MTX2: variants seen among roughly 807,000 people sequenced by gnomAD.
MTX2 encodes the protein metaxin-2.
In MTX2, 35 loss-of-function variants were observed where a neutral mutation model predicts 42.3. That is an observed-to-expected ratio of 0.83 (90% CI 0.63 to 1.10). MTX2 has a LOEUF of 1.10. Among genes scored for constraint, MTX2 ranks in the 50% least tolerant of loss-of-function variants. The probability of loss-of-function intolerance (pLI) is 0.00; values close to 1 mark genes in which losing one functional copy is unlikely to be tolerated. For missense variants in MTX2, 307 were observed against 304.1 expected (o/e 1.01, Z -0.07); for synonymous variants, 119 against 100.9 (o/e 1.18, Z -1.08).
chr2:176,272,613 C>G (rs1268651506), intron 1 of MTX2, among the ~76,000 whole-genome samples: 1 of 152,070 alleles, frequency 6.6e-6, no homozygotes, highest in African/African-American at 2.4e-5. Context: ...AGAAGTATAT[C>G]TGTTAAATAC....
chr2:176,316,100 A>G (rs1382137069), intron 3 of MTX2, among the ~76,000 whole-genome samples: 1 of 152,150 alleles, frequency 6.6e-6, no homozygotes, highest in Non-Finnish European at 1.5e-5. Context: ...CAGTATATAC[A>G]TGTTGAATTT....
At chr2:176,336,046 TA>T (rs1320931472) in intron 9 of MTX2, among the ~76,000 whole-genome samples, 5 of 152,134 alleles carry the variant, frequency 3.3e-5, no homozygotes, top group Admixed American at 6.6e-5. Context: ...TTTGGATTTT[TA>T]CCAACCCCCA....
chr2:176,290,514 G>T (rs1369019080), intron 1 of MTX2, among the ~76,000 whole-genome samples: 1 of 152,154 alleles, frequency 6.6e-6, no homozygotes. Context: ...TACTGACTTT[G>T]TCTGACCTTG....
At chr2:176,306,068 C>T (rs1684136173) in intron 3 of MTX2, among the ~76,000 whole-genome samples, 1 of 151,994 alleles carries the variant, frequency 6.6e-6, no homozygotes, top group African/African-American at 2.4e-5. Flanking sequence ...CCCCCAGCAC[C>T]CCCACCCCCT....
chr2:176,277,433 G>A (rs972038234), intron 1 of MTX2, among the ~76,000 whole-genome samples: 20 of 152,110 alleles, frequency 1.3e-4, no homozygotes, highest in Admixed American at 3.3e-4. Context: ...ATGGAGTTGC[G>A]CTCTTGTTGC....
chr2:176,281,414 GTGGCTTCTTCATGTGGCT>G, intron 1 of MTX2, among the ~76,000 whole-genome samples: 1 of 152,280 alleles, frequency 6.6e-6, no homozygotes, highest in East Asian at 1.9e-4. Context: ...ATACTTACAT[GTGGCTTCTTCATGTGGCT>G]TGGCTTCCTC....
rs938200690 is a variant in MTX2, at chr2:176,297,038, A to G, written c.88+131A>G. The G allele has an allele frequency of 1.5e-5, 15 of 1,027,026 alleles. No homozygotes were observed. The Admixed American group carries it at 3.2e-4, about 22-fold the overall frequency. The allele number at this position is 1,027,026 out of a possible 1,614,324, so 63.6% of individuals were successfully genotyped here. The stretch of plus-strand genomic sequence containing the variant: ...AGGGATTCCCTTGTATAATTTGTCT[A>G]GGAGGTTTTACCTGAACTTGTATCT... On this transcript the variant is annotated intron_variant, in intron 2 of 9. Transcript: ENST00000249442.
chr2:176,320,599 C>G (rs1684560256), intron 3 of MTX2, among the ~76,000 whole-genome samples: 3 of 152,084 alleles, frequency 2.0e-5, no homozygotes, highest in Admixed American at 2.0e-4. Flanking sequence ...ATCACTGATT[C>G]CCCACCACCT....
intron 3 of MTX2, among the ~76,000 whole-genome samples, chr2:176,321,746 C>T (rs1353370573): frequency 1.3e-5 from 2 of 152,014 alleles, no homozygotes. Flanking sequence ...TTGGCCATAC[C>T]CAGTTGTAAG....
In MTX2 at chr2:176,337,490, T is replaced by C. The variant is rs1465183717; in HGVS notation, c.621-3T>C. ...CTCACATTACTCTCATTTCTACTTTTAGGCCTACTGAACTTGACGCACTGG... is the reference window on the plus strand; with the variant it reads ...CTCACATTACTCTCATTTCTACTTTCAGGCCTACTGAACTTGACGCACTGG... On this transcript the variant is annotated splice_region_variant and splice_polypyrimidine_tract_variant and intron_variant, in intron 9 of 9. Transcript: ENST00000249442. 1.3e-6 allele frequency: 2 copies of C among 1,590,526 alleles called. No individual in the cohort carries two copies. The highest frequency in any genetic ancestry group is 3.5e-5 in the Admixed American group (2 of 56,588).
At position 176,316,260 on chromosome 2, in the gene MTX2, A is replaced by G. The variant is rs75612920; in HGVS notation, c.136-7132A>G. 6.6e-3 allele frequency among the ~76,000 whole-genome samples: 1,004 copies of G among 152,272 alleles called. 14 individuals are homozygous for G. Among genetic ancestry groups the G allele is most frequent in the African/African-American group, 0.023 (940 of 41,548 alleles). On this transcript the variant is annotated intron_variant, in intron 3 of 9. Coordinates refer to ENST00000249442, the MANE Select transcript of MTX2 (RefSeq NM_006554.5). ...AGAAGAAACAGCCTCATGAAAAGCA[A>G]TTTTGCATTTGGCATATGTCATCTT... is the stretch of plus-strand genomic sequence containing the variant.
chr2:176,278,186 G>C (rs1456952602), intron 1 of MTX2, among the ~76,000 whole-genome samples: 1 of 151,336 alleles, frequency 6.6e-6, no homozygotes, highest in Non-Finnish European at 1.5e-5. Flanking sequence ...AAGTAGCTGG[G>C]ATTATAGGTG....
At position 176,309,152 on chromosome 2, in the gene MTX2, C is replaced by G. The variant is rs1416935430; in HGVS notation, c.135+11257C>G. On this transcript the variant is annotated intron_variant, in intron 3 of 9. Transcript: ENST00000249442. ...TTCTGCCTTCATTTCGTTATTTACCCAGTAGTCATTCAGAAGCAGGTTGTT... is the reference window on the plus strand; with the variant it reads ...TTCTGCCTTCATTTCGTTATTTACCGAGTAGTCATTCAGAAGCAGGTTGTT... 3.9e-5 allele frequency among the ~76,000 whole-genome samples: 6 copies of G among 152,250 alleles called. No homozygotes were observed. In the East Asian group the frequency reaches 1.2e-3, roughly 29 times the overall value.
chr2:176,279,391 AAAGT>A (rs1375103974), intron 1 of MTX2, among the ~76,000 whole-genome samples: 4 of 152,150 alleles, frequency 2.6e-5, no homozygotes, highest in African/African-American at 9.6e-5. Flanking sequence ...TTATTTCTGT[AAAGT>A]AATATTGGCA....
At chr2:176,303,481 A>T (rs1256353739) in intron 3 of MTX2, among the ~76,000 whole-genome samples, 1 of 152,038 alleles carries the variant, frequency 6.6e-6, no homozygotes, top group Non-Finnish European at 1.5e-5. Flanking sequence ...CTTTGATATC[A>T]CTGAGTTTAA....
intron 3 of MTX2, among the ~76,000 whole-genome samples, chr2:176,311,909 C>A (rs2105428687): frequency 6.6e-6 from 1 of 152,324 alleles, no homozygotes; most frequent in South Asian, 2.1e-4. Flanking sequence ...GGGCTGCACC[C>A]ACTGCCCATC....
intron 3 of MTX2, among the ~76,000 whole-genome samples, chr2:176,298,925 T>G (rs1489830157): frequency 3.3e-5 from 5 of 152,148 alleles, no homozygotes; most frequent in Non-Finnish European, 7.4e-5. Context: ...CAGGCTATTC[T>G]GCATGTGGTT....
At chr2:176,313,349 A>T (rs1471551120) in intron 3 of MTX2, among the ~76,000 whole-genome samples, 1 of 145,906 alleles carries the variant, frequency 6.9e-6, no homozygotes, top group African/African-American at 2.6e-5. Context: ...TCTCTCTCTG[A>T]TCTTCTGCTC....
rs1394068263 is a variant in MTX2, at chr2:176,321,346, A to ACC, written c.136-2046_136-2045insCC. Among the ~76,000 whole-genome samples, 644 of 152,240 alleles carry ACC rather than the reference A, an allele frequency of 4.2e-3. 2 individuals are homozygous for ACC. The highest frequency in any genetic ancestry group is 0.016 in the South Asian group (75 of 4,812). ...TGGTTATAGGTTTTAAAGGACCGTTAGTTTCCACTTAAATAGACACAGAAG... is the reference window on the plus strand; with the variant it reads ...TGGTTATAGGTTTTAAAGGACCGTTACCGTTTCCACTTAAATAGACACAGAAG... On this transcript the variant is annotated intron_variant, in intron 3 of 9. Transcript: ENST00000249442.
Sources: allele counts gnomAD v4.1 joint callset (sites outside exome capture counted in the v4.1 genomes callset), GRCh38; gene constraint gnomAD v4.1.1; transcripts MANE v1.5; gene names NCBI Gene and HGNC (gene_info 2026-07-23, HGNC 2026-07-21).